NAALADL2: variants seen among roughly 807,000 people sequenced by gnomAD.
The protein encoded by NAALADL2 is N-acetylated alpha-linked acidic dipeptidase like 2.
Under a neutral mutation model 87.2 loss-of-function variants are expected in NAALADL2, and 76 were observed. The ratio of observed to expected loss-of-function variants is 0.87; its 90% confidence interval spans 0.72 to 1.05. NAALADL2 has a LOEUF of 1.05. Among genes scored for constraint, NAALADL2 ranks in the 50% least tolerant of loss-of-function variants. The probability of loss-of-function intolerance (pLI) is 0.00; values close to 1 mark genes in which losing one functional copy is unlikely to be tolerated. For missense variants in NAALADL2, 1,089 were observed against 945.8 expected (o/e 1.15, Z -1.99); for synonymous variants, 354 against 331.0 (o/e 1.07, Z -0.75).
chr3:175,076,500 G>T (rs1389554875), intron 1 of NAALADL2, among the ~76,000 whole-genome samples: 1 of 151,988 alleles, frequency 6.6e-6, no homozygotes, highest in African/African-American at 2.4e-5. Context: ...AACACAGAAG[G>T]CATCAAAGAA....
Position 175,808,655 on chromosome 3 carries a change from C to A in NAALADL2, c.*5452C>A, listed in dbSNP as rs1754906203. 1 of 151,930 alleles carries A rather than the reference C, an allele frequency of 6.6e-6. No homozygotes were observed. The highest frequency in any genetic ancestry group is 6.6e-5 in the Admixed American group (1 of 15,198). The allele number at this position is 151,930 out of a possible 1,614,324, so 9.4% of individuals were successfully genotyped here. On this transcript the variant is annotated 3_prime_UTR_variant, in exon 14 of 14. Coordinates refer to ENST00000454872, the MANE Select transcript of NAALADL2 (RefSeq NM_207015.3). Reference sequence around the variant, plus strand: ...TTTCCAGGGGCTAATTAATATGCACCACCTAAGTCCCCAAAGGATCACACA... The same window carrying A: ...TTTCCAGGGGCTAATTAATATGCACAACCTAAGTCCCCAAAGGATCACACA...
intron 2 of NAALADL2, among the ~76,000 whole-genome samples, chr3:175,178,508 A>G (rs940916625): frequency 6.6e-6 from 1 of 152,028 alleles, no homozygotes; most frequent in Non-Finnish European, 1.5e-5. Context: ...TTTATTACAG[A>G]TAGAGTCCAG....
chr3:175,566,893 T>C (rs1240952490), intron 9 of NAALADL2, among the ~76,000 whole-genome samples: 1 of 152,150 alleles, frequency 6.6e-6, no homozygotes, highest in African/African-American at 2.4e-5. Flanking sequence ...AAAGTTATAA[T>C]TTTACGTAGT....
At chr3:174,721,612 C>T (rs974493035) in intron 2 of NAALADL2, among the ~76,000 whole-genome samples, 2 of 152,118 alleles carry the variant, frequency 1.3e-5, no homozygotes, top group African/African-American at 4.8e-5. Flanking sequence ...GAGGAGAGCT[C>T]GAAGCAGCAG....
Position 175,258,263 on chromosome 3 carries a change from A to G in NAALADL2, c.939+1733A>G, listed in dbSNP as rs556207597. ...GCAGAACTTGCAATGAGCCGAGATC[A>G]CGCCACTGCACTCCAGCCTGGGCAA... On this transcript the variant is annotated intron_variant, in intron 4 of 13. Coordinates refer to ENST00000454872, the MANE Select transcript of NAALADL2 (RefSeq NM_207015.3). Among the ~76,000 whole-genome samples, 8 of 146,240 alleles carry G rather than the reference A, an allele frequency of 5.5e-5. No individual in the cohort carries two copies. In the South Asian group the frequency reaches 6.5e-4, roughly 12 times the overall value.
intron 1 of NAALADL2, among the ~76,000 whole-genome samples, chr3:174,925,886 T>G (rs9841478): frequency 0.39 from 58,849 of 151,854 alleles, 12,456 homozygotes; most frequent in African/African-American, 0.57. Flanking sequence ...AGAGAAGAAG[T>G]CTTCAGATGA....
chr3:175,082,085 A>G (rs761063836), intron 1 of NAALADL2, among the ~76,000 whole-genome samples: 1 of 152,004 alleles, frequency 6.6e-6, no homozygotes, highest in Non-Finnish European at 1.5e-5. Flanking sequence ...TTAAAACACA[A>G]TAAGTGACGG....
chr3:175,688,024 T>G (rs1736547553), intron 11 of NAALADL2, among the ~76,000 whole-genome samples: 2 of 152,086 alleles, frequency 1.3e-5, no homozygotes, highest in Admixed American at 6.6e-5. Flanking sequence ...TATAGAAACA[T>G]AAAAACAACC....
chr3:175,533,685 C>T (rs1734406332), intron 9 of NAALADL2, among the ~76,000 whole-genome samples: 1 of 152,168 alleles, frequency 6.6e-6, no homozygotes, highest in African/African-American at 2.4e-5. Context: ...TAACAGTGAA[C>T]ACCTGGCGAG....
chr3:175,461,475 C>G (rs149350977), intron 6 of NAALADL2, among the ~76,000 whole-genome samples: 7 of 152,266 alleles, frequency 4.6e-5, no homozygotes, highest in African/African-American at 1.7e-4. Flanking sequence ...TCTCAATCCC[C>G]CCTCTAATCA....
At chr3:174,636,196 A>G (rs1347721424) in intron 2 of NAALADL2, among the ~76,000 whole-genome samples, 2 of 152,312 alleles carry the variant, frequency 1.3e-5, no homozygotes, top group African/African-American at 2.4e-5. Context: ...CTCGAGATGT[A>G]TTAAGGACTG....
intron 11 of NAALADL2, among the ~76,000 whole-genome samples, chr3:175,680,247 T>C (rs1560966133): frequency 6.6e-6 from 1 of 152,232 alleles, no homozygotes; most frequent in East Asian, 1.9e-4. Flanking sequence ...TTTGACTGCA[T>C]AGGAAATGTC....
intron 5 of NAALADL2, among the ~76,000 whole-genome samples, chr3:175,382,430 C>T (rs962098620): frequency 6.6e-6 from 1 of 151,572 alleles, no homozygotes; most frequent in African/African-American, 2.4e-5. Context: ...CTCTTAAACA[C>T]TGCACATAAA....
chr3:174,803,190 ATC>A (rs774500103), intron 3 of NAALADL2, among the ~76,000 whole-genome samples: 5 of 152,142 alleles, frequency 3.3e-5, no homozygotes, highest in Non-Finnish European at 7.4e-5. Flanking sequence ...ATGAGATGGT[ATC>A]TCATTGTGAT....
chr3:175,100,437 G>A (rs1457674510), intron 2 of NAALADL2, among the ~76,000 whole-genome samples: 1 of 152,190 alleles, frequency 6.6e-6, no homozygotes, highest in Admixed American at 6.6e-5. Context: ...AGATGTAGGG[G>A]TGGCAAAACT....
chr3:175,232,066 G>A (rs1247966712), intron 2 of NAALADL2, among the ~76,000 whole-genome samples: 2 of 151,842 alleles, frequency 1.3e-5, no homozygotes, highest in Admixed American at 1.3e-4. Context: ...AAATTTAGGT[G>A]GCACTGTTGA....
chr3:174,890,388 C>G (rs1333301933), intron 1 of NAALADL2, among the ~76,000 whole-genome samples: 1 of 151,698 alleles, frequency 6.6e-6, no homozygotes, highest in Non-Finnish European at 1.5e-5. Flanking sequence ...TGGATGAGTT[C>G]AAAATCTAGT....
chr3:174,914,312 C>T (rs1734085334), intron 1 of NAALADL2, among the ~76,000 whole-genome samples: 1 of 152,144 alleles, frequency 6.6e-6, no homozygotes, highest in Non-Finnish European at 1.5e-5. Flanking sequence ...ATCCACCCAC[C>T]TCTGCCTCCC....
intron 9 of NAALADL2, among the ~76,000 whole-genome samples, chr3:175,530,021 C>T (rs1021964424): frequency 2.6e-5 from 4 of 152,158 alleles, no homozygotes; most frequent in Non-Finnish European, 4.4e-5. Context: ...ATTGGGCACT[C>T]AGCAGTGGCT....
Sources: gnomAD v4.1 joint callset for allele counts (sites outside exome capture counted in the v4.1 genomes callset) on GRCh38, gnomAD v4.1.1 for gene constraint, MANE v1.5 for transcripts, NCBI Gene and HGNC (gene_info 2026-07-23, HGNC 2026-07-21) for gene names.